RAPGEF5: variants seen among roughly 807,000 people sequenced by gnomAD.
The protein encoded by RAPGEF5 is Rap guanine nucleotide exchange factor 5, also known as M-Ras-regulated GEF.
A neutral mutation model predicts 125.2 loss-of-function variants in RAPGEF5; 65 were observed. That is an observed-to-expected ratio of 0.52 (90% CI 0.43 to 0.64). RAPGEF5 has a LOEUF of 0.64. Among genes scored for constraint, RAPGEF5 ranks in the 30% least tolerant of loss-of-function variants. RAPGEF5 has a pLI of 0.00. For synonymous variants in RAPGEF5, 391 were observed against 385.9 expected (o/e 1.01, Z -0.16); for missense variants, 958 against 1,048.1 (o/e 0.91, Z 1.19).
chr7:22,356,104 C>A (rs752166039), intron 1 of RAPGEF5: 1 of 985,408 alleles, frequency 1.0e-6, no homozygotes, highest in Non-Finnish European at 1.2e-6. Flanking sequence ...GACCTTCCTG[C>A]TTCTCTTAAA....
rs41407948 is a variant in RAPGEF5 at position 22,323,591 on chromosome 7, A to G, written c.232-5554T>C. 7.8e-3 allele frequency among the ~76,000 whole-genome samples: 1,182 copies of G among 152,256 alleles called. 13 individuals are homozygous for G. The highest frequency in any genetic ancestry group is 0.027 in the African/African-American group (1,134 of 41,542). ...ATTAAGTAACTAAAGAATTAGGAAA[A>G]ATGGCTTAATTAGCGAGCTTACTTA... is the stretch of plus-strand genomic sequence containing the variant. On this transcript the variant is annotated intron_variant, in intron 1 of 25. Transcript: ENST00000665637.
rs147321086 is a variant in RAPGEF5, at chr7:22,174,141, C to A, written c.1205-6993G>T. Among the ~76,000 whole-genome samples, 13 of 152,228 alleles carry A rather than the reference C, an allele frequency of 8.5e-5. No individual in the cohort carries two copies. In the East Asian group the frequency reaches 2.5e-3, roughly 29 times the overall value. On this transcript the variant is annotated intron_variant, in intron 11 of 25. Coordinates refer to ENST00000665637, the MANE Select transcript of RAPGEF5 (RefSeq NM_012294.5). The stretch of plus-strand genomic sequence containing the variant: ...GAGAGCCTGGTATACCCTAGGCACT[C>A]TAGATAAATACTACCTATTATTTAT...
chr7:22,284,698 T>TA (rs1418148960), intron 6 of RAPGEF5, among the ~76,000 whole-genome samples: 1 of 152,160 alleles, frequency 6.6e-6, no homozygotes, highest in Non-Finnish European at 1.5e-5. Flanking sequence ...ACTGGGGGTG[T>TA]AACTTTTATT....
chr7:22,177,428 A>T (rs1409861457), intron 11 of RAPGEF5, among the ~76,000 whole-genome samples: 1 of 152,170 alleles, frequency 6.6e-6, no homozygotes, highest in African/African-American at 2.4e-5. Context: ...GGGAGCCCCA[A>T]ATTTGTTTTG....
In RAPGEF5 at chr7:22,154,417, A is replaced by T. The variant is rs749047366; in HGVS notation, c.1786+38T>A. 5.0e-6 allele frequency: 8 copies of T among 1,605,908 alleles called. No homozygotes were observed. The East Asian group carries it at 1.1e-4, about 22-fold the overall frequency. On this transcript the variant is annotated intron_variant, in intron 17 of 25. Transcript: ENST00000665637. ...CACCTCCCTCCTTTTGAAGGAGATC[A>T]GTGAAAGATTAATATTCAAGGGTAG...
chr7:22,138,214 T>A (rs951511936), intron 21 of RAPGEF5, among the ~76,000 whole-genome samples: 1 of 152,136 alleles, frequency 6.6e-6, no homozygotes, highest in Non-Finnish European at 1.5e-5. Context: ...TCGAACTAAG[T>A]GATCTACTCC....
chr7:22,300,873 C>T (rs968844494), intron 5 of RAPGEF5, among the ~76,000 whole-genome samples: 48 of 152,196 alleles, frequency 3.2e-4, no homozygotes, highest in African/African-American at 1.2e-3. Flanking sequence ...CCATCACACT[C>T]TTCAAAACTA....
intron 6 of RAPGEF5, among the ~76,000 whole-genome samples, chr7:22,281,394 T>C (rs1421678236): frequency 6.6e-6 from 1 of 152,186 alleles, no homozygotes. Context: ...GTATTTTTTG[T>C]AGAGACAGGT....
At chr7:22,308,285 G>A in intron 5 of RAPGEF5, 54 bp downstream of exon 5, 1 of 1,479,060 alleles carries the variant, frequency 6.8e-7, no homozygotes, top group Non-Finnish European at 9.1e-7. Flanking sequence ...CCCTAGACAT[G>A]GTAAATGTTG....
intron 9 of RAPGEF5, chr7:22,194,565 C>T (rs894019303): frequency 1.3e-4 from 127 of 981,624 alleles, no homozygotes; most frequent in Admixed American, 6.2e-4. Flanking sequence ...AAAAAAACTA[C>T]CCACTCCATC....
At chr7:22,220,018 T>C in intron 8 of RAPGEF5, 27 bp from the exon 9 acceptor site, 1 of 1,612,470 alleles carries the variant, frequency 6.2e-7, no homozygotes, top group Non-Finnish European at 8.5e-7. Context: ...AAAGCGAAGA[T>C]ATACTTAAAA....
At chr7:22,273,823 AG>A (rs1171994586) in intron 6 of RAPGEF5, among the ~76,000 whole-genome samples, 8 of 152,160 alleles carry the variant, frequency 5.3e-5, no homozygotes, top group African/African-American at 1.9e-4. Context: ...ATATTACTAG[AG>A]GTATATTCAG....
chr7:22,194,942 G>T (rs573813219), intron 9 of RAPGEF5, among the ~76,000 whole-genome samples: 63 of 152,296 alleles, frequency 4.1e-4, no homozygotes, highest in African/African-American at 1.3e-3. Context: ...CCCAGTAAGC[G>T]TACGGTAGCC....
Position 22,251,275 on chromosome 7 carries a change from AC to A in RAPGEF5, c.796+15688del, listed in dbSNP as rs771648961. 1.1e-4 allele frequency among the ~76,000 whole-genome samples: 17 copies of A among 152,104 alleles called. 1 individual carries two copies. The East Asian group carries it at 1.2e-3, about 10-fold the overall frequency. On this transcript the variant is annotated intron_variant, in intron 7 of 25. Coordinates refer to ENST00000665637, the MANE Select transcript of RAPGEF5 (RefSeq NM_012294.5). Reference sequence around the variant, plus strand: ...CTAAAAATAAATCATAGACAATGCCACCCCCCCAGCAACCACTCACGTACCC... The same window carrying A: ...CTAAAAATAAATCATAGACAATGCCACCCCCCAGCAACCACTCACGTACCC...
intron 9 of RAPGEF5, among the ~76,000 whole-genome samples, chr7:22,204,000 G>C (rs1785340600): frequency 1.3e-5 from 2 of 152,228 alleles, no homozygotes; most frequent in African/African-American, 4.8e-5. Flanking sequence ...AGGTAGGACA[G>C]AAACCTACAC....
chr7:22,206,712 G>T (rs1308419904), intron 9 of RAPGEF5, among the ~76,000 whole-genome samples: 1 of 149,134 alleles, frequency 6.7e-6, no homozygotes, highest in Non-Finnish European at 1.5e-5. Flanking sequence ...AAAGAGGTCT[G>T]AGTGAAAAGT....
At chr7:22,170,460 T>C (rs1784315846) in intron 11 of RAPGEF5, among the ~76,000 whole-genome samples, 1 of 152,204 alleles carries the variant, frequency 6.6e-6, no homozygotes, top group African/African-American at 2.4e-5. Flanking sequence ...GGAGTTGGCA[T>C]TTAAAATGCT....
intron 2 of RAPGEF5, 77 bp downstream of exon 2, chr7:22,317,910 C>G: frequency 6.5e-7 from 1 of 1,533,814 alleles, no homozygotes; most frequent in Non-Finnish European, 8.8e-7. Context: ...AAGGGAACAA[C>G]TGTAACTTGA....
chr7:22,207,485 T>C (rs1269622690), intron 9 of RAPGEF5, among the ~76,000 whole-genome samples: 1 of 152,176 alleles, frequency 6.6e-6, no homozygotes, highest in Non-Finnish European at 1.5e-5. Context: ...GAGGAAATAG[T>C]GGTTTATCAT....
Sources: allele counts gnomAD v4.1 joint callset (sites outside exome capture counted in the v4.1 genomes callset), GRCh38; gene constraint gnomAD v4.1.1; transcripts MANE v1.5; gene names NCBI Gene and HGNC (gene_info 2026-07-23, HGNC 2026-07-21).